The following ADAMTS12 variants were observed in gnomAD, a reference collection of about 807,000 sequenced individuals.
ADAMTS12 encodes ADAM metallopeptidase with thrombospondin type 1 motif 12.
ADAMTS12 carries 118 observed loss-of-function variants against 167.8 expected under a neutral mutation model. The ratio of observed to expected loss-of-function variants is 0.70; its 90% confidence interval spans 0.61 to 0.82. The LOEUF is 0.82. Among genes scored for constraint, ADAMTS12 ranks in the 40% least tolerant of loss-of-function variants. The pLI, the probability that ADAMTS12 is intolerant of heterozygous loss-of-function variation, is 0.00. For missense variants in ADAMTS12, 1,916 were observed against 1,998.8 expected (o/e 0.96, Z 0.79); for synonymous variants, 704 against 716.9 (o/e 0.98, Z 0.29).
intron 5 of ADAMTS12, among the ~76,000 whole-genome samples, chr5:33,671,927 C>T (rs1227512824): frequency 6.7e-6 from 1 of 149,454 alleles, no homozygotes; most frequent in Admixed American, 6.7e-5. Flanking sequence ...CACACACCCA[C>T]ATACTCACAT....
intron 3 of ADAMTS12, among the ~76,000 whole-genome samples, chr5:33,709,871 GA>G (rs1020805997): frequency 2.6e-5 from 4 of 151,620 alleles, no homozygotes; most frequent in South Asian, 4.2e-4. Flanking sequence ...TAATAAAATA[GA>G]AAAAAACAAG....
rs572337140 is a variant in ADAMTS12, at chr5:33,610,544, C to T, written c.2527+3694G>A. Among the ~76,000 whole-genome samples the T allele has an allele frequency of 8.5e-5, 13 of 152,234 alleles. 1 individual carries two copies. The South Asian group carries it at 1.7e-3, about 19-fold the overall frequency. On this transcript the variant is annotated intron_variant, in intron 16 of 23. Transcript: ENST00000504830. ...TCCCTGGAAAATTTAAAATATTCCA[C>T]GGCACCCTATGAGTTCACAGATTTA...
At chr5:33,843,877 T>G (rs1748842440) in intron 2 of ADAMTS12, among the ~76,000 whole-genome samples, 1 of 152,192 alleles carries the variant, frequency 6.6e-6, no homozygotes, top group African/African-American at 2.4e-5. Context: ...AATTTAAAAC[T>G]TATGAATTAT....
chr5:33,731,190 CTTT>C (rs70964414), intron 3 of ADAMTS12, among the ~76,000 whole-genome samples: 2 of 144,486 alleles, frequency 1.4e-5, no homozygotes, highest in Non-Finnish European at 1.5e-5. Flanking sequence ...TCTTTCTTTT[CTTT>C]TTTTTTTTTT....
Position 33,891,849 on chromosome 5 carries a change from C to G in ADAMTS12, c.8G>C (p.Cys3Ser). The change falls in exon 1 of 24, where the codon TGT becomes TCT. Residue 3 changes from cysteine to serine, a missense_variant. Physicochemically the swap from Cys to Ser is moderately radical, Grantham distance 112 (BLOSUM62 -1). Coordinates refer to ENST00000504830, the MANE Select transcript of ADAMTS12 (RefSeq NM_030955.4). MP[C>S]AQRSWLANLS... is the part of the protein sequence containing the mutation. ...GTTTGCAAGCCAGCTCCTCTGGGCA[C>G]ATGGCATGATTCAGATGTTGAGGAG... 1 of 1,613,974 alleles carries G rather than the reference C, an allele frequency of 6.2e-7. No homozygotes were observed. The highest frequency in any genetic ancestry group is 8.5e-7 in the Non-Finnish European group (1 of 1,179,952).
At chr5:33,787,807 A>G (rs1746383451) in intron 2 of ADAMTS12, among the ~76,000 whole-genome samples, 2 of 152,230 alleles carry the variant, frequency 1.3e-5, no homozygotes, top group South Asian at 4.1e-4. Flanking sequence ...AAAGAGCGTG[A>G]TATTTCTTCA....
chr5:33,704,165 A>G (rs141916175), intron 3 of ADAMTS12, among the ~76,000 whole-genome samples: 5 of 152,316 alleles, frequency 3.3e-5, no homozygotes, highest in African/African-American at 1.2e-4. Flanking sequence ...TAATATCTTT[A>G]AACCAAATTT....
At chr5:33,684,659 C>T (rs1742257919) in intron 3 of ADAMTS12, among the ~76,000 whole-genome samples, 1 of 152,136 alleles carries the variant, frequency 6.6e-6, no homozygotes, top group South Asian at 2.1e-4. Flanking sequence ...GCCAAAGGTT[C>T]CAGGCATTCC....
intron 2 of ADAMTS12, among the ~76,000 whole-genome samples, chr5:33,809,936 G>A (rs555838270): frequency 6.8e-6 from 1 of 146,606 alleles, no homozygotes; most frequent in South Asian, 2.2e-4. Flanking sequence ...CTTAGCACTG[G>A]AGTACCAAAG....
intron 2 of ADAMTS12, among the ~76,000 whole-genome samples, chr5:33,845,632 T>C (rs983226855): frequency 1.3e-5 from 2 of 152,184 alleles, no homozygotes; most frequent in African/African-American, 4.8e-5. Context: ...TTCCCTCAAA[T>C]GTATATTAAT....
intron 3 of ADAMTS12, among the ~76,000 whole-genome samples, chr5:33,691,948 C>T (rs540335581): frequency 2.0e-5 from 3 of 152,296 alleles, no homozygotes; most frequent in African/African-American, 7.2e-5. Flanking sequence ...AGGTAAGCCC[C>T]CTCTCAGTGT....
chr5:33,619,988 C>T lies in ADAMTS12; in HGVS notation c.2144-3916G>A, dbSNP rs192879477. Among the ~76,000 whole-genome samples the T allele has an allele frequency of 4.5e-3, 680 of 152,304 alleles. 6 individuals carry two copies. The highest frequency in any genetic ancestry group is 0.015 in the African/African-American group (628 of 41,562). On this transcript the variant is annotated intron_variant, in intron 14 of 23. Transcript: ENST00000504830. ...GATTACAGGCGTGAGCCACTGCATC[C>T]GGCCAATGACTTTGCTTTATGCTGA...
At chr5:33,832,123 T>C (rs767971586) in intron 2 of ADAMTS12, among the ~76,000 whole-genome samples, 2 of 152,216 alleles carry the variant, frequency 1.3e-5, no homozygotes, top group African/African-American at 4.8e-5. Flanking sequence ...ATCTGATAGA[T>C]TCACACGAAA....
intron 2 of ADAMTS12, among the ~76,000 whole-genome samples, chr5:33,761,550 G>A (rs919663927): frequency 1.1e-4 from 16 of 152,256 alleles, no homozygotes; most frequent in African/African-American, 3.9e-4. Context: ...AGATGTTAGA[G>A]ACATAAATGA....
chr5:33,529,954 C>G (rs1044347562), intron 23 of ADAMTS12, among the ~76,000 whole-genome samples: 2 of 152,170 alleles, frequency 1.3e-5, no homozygotes, highest in African/African-American at 2.4e-5. Context: ...ACGGTTCCCT[C>G]TGTCTCCCAG....
intron 3 of ADAMTS12, among the ~76,000 whole-genome samples, chr5:33,739,922 G>A (rs1477062386): frequency 3.9e-5 from 6 of 152,214 alleles, no homozygotes; most frequent in Non-Finnish European, 5.9e-5. Context: ...ATGCCAGTGT[G>A]TACAAGCCCA....
intron 2 of ADAMTS12, among the ~76,000 whole-genome samples, chr5:33,847,977 G>A (rs1189693643): frequency 6.6e-6 from 1 of 152,170 alleles, no homozygotes; most frequent in Non-Finnish European, 1.5e-5. Context: ...CACTTAGGGA[G>A]GCCAAGGTGG....
chr5:33,645,566 C>T (rs577699767), intron 9 of ADAMTS12, among the ~76,000 whole-genome samples: 1 of 152,224 alleles, frequency 6.6e-6, no homozygotes, highest in Admixed American at 6.5e-5. Context: ...CTTATCACTC[C>T]CCCTTTTATT....
intron 2 of ADAMTS12, among the ~76,000 whole-genome samples, chr5:33,798,710 G>T (rs975128365): frequency 1.3e-5 from 2 of 152,086 alleles, no homozygotes; most frequent in African/African-American, 4.8e-5. Context: ...AAAGTGCTGG[G>T]ATTACAGGCG....
Sources: gnomAD v4.1 joint callset for allele counts (sites outside exome capture counted in the v4.1 genomes callset) on GRCh38, gnomAD v4.1.1 for gene constraint, MANE v1.5 for transcripts, NCBI Gene and HGNC (gene_info 2026-07-23, HGNC 2026-07-21) for gene names.